The following RIT2 variants were observed in gnomAD, a reference collection of about 807,000 sequenced individuals.
RIT2 encodes GTP-binding protein Rit2.
RIT2 carries 24 observed loss-of-function variants against 23.7 expected under a neutral mutation model. That is an observed-to-expected ratio of 1.01 (90% CI 0.73 to 1.43). The LOEUF is 1.43. Among genes scored for constraint, RIT2 ranks in the 40% most tolerant of loss-of-function variants. The probability of loss-of-function intolerance (pLI) is 0.00; values close to 1 mark genes in which losing one functional copy is unlikely to be tolerated. For missense variants in RIT2, 236 were observed against 266.9 expected (o/e 0.88, Z 0.81); for synonymous variants, 107 against 91.1 (o/e 1.17, Z -0.99).
At chr18:42,949,272 G>A (rs1464809181) in intron 3 of RIT2, among the ~76,000 whole-genome samples, 1 of 152,056 alleles carries the variant, frequency 6.6e-6, no homozygotes, top group South Asian at 2.1e-4. Flanking sequence ...GAATAAAGGA[G>A]TCAGTCTAAA....
intron 2 of RIT2, among the ~76,000 whole-genome samples, chr18:43,027,088 G>A (rs769117052): frequency 6.6e-6 from 1 of 151,968 alleles, no homozygotes; most frequent in Non-Finnish European, 1.5e-5. Flanking sequence ...AATGCTGCTG[G>A]TAAGTTAAAA....
chr18:42,779,998 G>A (rs182844079), intron 4 of RIT2, among the ~76,000 whole-genome samples: 38 of 112,372 alleles, frequency 3.4e-4, no homozygotes, highest in African/African-American at 1.2e-3. Flanking sequence ...ATTTCTAAAT[G>A]TTTTATATAT....
intron 4 of RIT2, among the ~76,000 whole-genome samples, chr18:42,834,979 G>A (rs8096856): frequency 0.25 from 37,756 of 151,832 alleles, 4,990 homozygotes; most frequent in African/African-American, 0.33. Context: ...AGCTGGTCAA[G>A]CAGGAGTCCT....
intron 4 of RIT2, among the ~76,000 whole-genome samples, chr18:42,823,057 T>C (rs1421307414): frequency 6.6e-6 from 1 of 152,016 alleles, no homozygotes; most frequent in African/African-American, 2.4e-5. Context: ...AAATCAGCAC[T>C]GGGGGGCAAG....
chr18:42,996,685 G>T (rs192031221), intron 2 of RIT2, among the ~76,000 whole-genome samples: 1 of 150,138 alleles, frequency 6.7e-6, no homozygotes, highest in African/African-American at 2.5e-5. Context: ...CTTATAAAAC[G>T]GCCTCACCCC....
Position 42,743,708 on chromosome 18 carries a change from C to A in RIT2, c.439G>T (p.Glu147Ter). The change falls in exon 5 of 5, where the codon GAA becomes TAA. Residue 147 changes from glutamate (E) to a stop codon, truncating the protein, a stop_gained. Coordinates refer to ENST00000326695, the MANE Select transcript of RIT2 (RefSeq NM_002930.4). LOFTEE classifies it high-confidence loss of function. ...TATTCTTGGGCAAGACTCAAGCCTTCTTCTGTAGAAACCTAAGGAAAAAAC... is the reference window on the plus strand; with the variant it reads ...TATTCTTGGGCAAGACTCAAGCCTTATTCTGTAGAAACCTAAGGAAAAAAC... Reference protein sequence around the residue: ...LEQFRQVSTEEGLSLAQEYNC... With the variant: ...LEQFRQVSTE 1.2e-6 allele frequency: 2 copies of A among 1,610,196 alleles called. No homozygotes were observed. Among genetic ancestry groups the A allele is most frequent in the South Asian group, 1.1e-5 (1 of 90,044 alleles).
intron 3 of RIT2, among the ~76,000 whole-genome samples, chr18:42,963,614 C>T (rs200530247): frequency 2.0e-5 from 3 of 152,268 alleles, no homozygotes; most frequent in East Asian, 3.9e-4. Flanking sequence ...AAATCCTGGC[C>T]GGGCTTGGTG....
intron 1 of RIT2, among the ~76,000 whole-genome samples, chr18:43,103,052 A>G (rs1913725352): frequency 6.6e-6 from 1 of 152,190 alleles, no homozygotes; most frequent in African/African-American, 2.4e-5. Flanking sequence ...CATCCTAAAC[A>G]CTGTGTGGGC....
intron 4 of RIT2, among the ~76,000 whole-genome samples, chr18:42,900,363 A>G (rs1908442921): frequency 6.6e-6 from 1 of 152,108 alleles, no homozygotes; most frequent in Admixed American, 6.6e-5. Flanking sequence ...ATGAAAAGTC[A>G]GGTTATTAGT....
At chr18:42,904,528 C>T (rs561092665) in intron 4 of RIT2, among the ~76,000 whole-genome samples, 1 of 152,218 alleles carries the variant, frequency 6.6e-6, no homozygotes. Context: ...TTAATGAGAG[C>T]TACAAGAGTA....
chr18:42,937,718 G>A (rs538306315), intron 3 of RIT2, among the ~76,000 whole-genome samples: 103 of 152,270 alleles, frequency 6.8e-4, no homozygotes, highest in South Asian at 2.1e-3. Context: ...TGGTACATAA[G>A]ACAGGGATGG....
intron 4 of RIT2, among the ~76,000 whole-genome samples, chr18:42,907,267 C>T (rs74525121): frequency 6.6e-6 from 1 of 151,930 alleles, no homozygotes; most frequent in Non-Finnish European, 1.5e-5. Flanking sequence ...AAAGGGCACA[C>T]CAATGTTTGA....
intron 4 of RIT2, among the ~76,000 whole-genome samples, chr18:42,862,096 T>A (rs1197030804): frequency 2.6e-5 from 4 of 152,188 alleles, no homozygotes; most frequent in African/African-American, 7.2e-5. Flanking sequence ...ATGGTTTGAC[T>A]CTGTGTCCCT....
intron 4 of RIT2, among the ~76,000 whole-genome samples, chr18:42,813,710 G>A (rs1407783651): frequency 6.6e-6 from 1 of 152,196 alleles, no homozygotes; most frequent in Non-Finnish European, 1.5e-5. Context: ...AGTCAAAGTA[G>A]TGGGGATCTA....
chr18:43,075,853 A>G (rs1393278842), intron 1 of RIT2, among the ~76,000 whole-genome samples: 1 of 152,208 alleles, frequency 6.6e-6, no homozygotes, highest in Non-Finnish European at 1.5e-5. Context: ...AAAAGGAAAG[A>G]GAAGAAAAAT....
intron 1 of RIT2, among the ~76,000 whole-genome samples, chr18:43,040,088 T>C (rs1299501870): frequency 6.6e-6 from 1 of 152,192 alleles, no homozygotes; most frequent in Non-Finnish European, 1.5e-5. Flanking sequence ...AATCATGCTG[T>C]CCGTTCCAAA....
chr18:42,843,508 C>T (rs1373914654), intron 4 of RIT2, among the ~76,000 whole-genome samples: 2 of 152,244 alleles, frequency 1.3e-5, no homozygotes, highest in Non-Finnish European at 2.9e-5. Context: ...TGTCTGGAAA[C>T]TTGGTGCACA....
chr18:43,043,705 G>A (rs1912181469), intron 1 of RIT2, among the ~76,000 whole-genome samples: 1 of 152,216 alleles, frequency 6.6e-6, no homozygotes, highest in African/African-American at 2.4e-5. Flanking sequence ...CAAGAGAATT[G>A]CTTCAATCAG....
At chr18:42,948,367 C>T (rs1909775154) in intron 3 of RIT2, among the ~76,000 whole-genome samples, 1 of 151,980 alleles carries the variant, frequency 6.6e-6, no homozygotes, top group Non-Finnish European at 1.5e-5. Context: ...TTTGGTCTTC[C>T]TCAGTGACAC....
Sources: allele counts gnomAD v4.1 joint callset (sites outside exome capture counted in the v4.1 genomes callset), GRCh38; gene constraint gnomAD v4.1.1; transcripts MANE v1.5; gene names NCBI Gene and HGNC (gene_info 2026-07-23, HGNC 2026-07-21).